The following KIAA1328 variants were observed in gnomAD, a reference collection of about 807,000 sequenced individuals.
The protein encoded by KIAA1328 is protein hinderin.
Under a neutral mutation model 68.1 loss-of-function variants are expected in KIAA1328, and 52 were observed. The ratio of observed to expected loss-of-function variants is 0.76; its 90% CI spans 0.61 to 0.96. The LOEUF is 0.96. Among genes scored for constraint, KIAA1328 ranks in the 40% least tolerant of loss-of-function variants. The pLI is 0.00. For missense variants in KIAA1328, 641 were observed against 677.6 expected, an observed-to-expected ratio of 0.95 and a Z score of 0.60; for synonymous variants, 232 against 239.4, an observed-to-expected ratio of 0.97 and a Z score of 0.28.
At chr18:37,146,261 G>A (rs1312586245) in intron 7 of KIAA1328, among the ~76,000 whole-genome samples, 1 of 151,816 alleles carries the variant, frequency 6.6e-6, no homozygotes, top group African/African-American at 2.4e-5. Context: ...CCTCAAGTAG[G>A]CCTCAGTGTC....
Position 37,155,869 on chromosome 18 carries a change from A to G in KIAA1328, c.1233-4331A>G, listed in dbSNP as rs543566881. Among the ~76,000 whole-genome samples the G allele has an allele frequency of 2.0e-5, 3 of 152,290 alleles. No individual in the cohort carries two copies. The South Asian group carries it at 6.2e-4, about 32-fold the overall frequency. On this transcript the variant is annotated intron_variant, in intron 7 of 9. Transcript: ENST00000280020. ...TTCCCAAAATATGAACTGAAGTTTC[A>G]TTTGTTGGTATATTTGCTAATACTT...
intron 6 of KIAA1328, among the ~76,000 whole-genome samples, chr18:37,015,025 C>T (rs1453781809): frequency 6.6e-6 from 1 of 152,162 alleles, no homozygotes; most frequent in African/African-American, 2.4e-5. Flanking sequence ...GCCTCAGCCT[C>T]CTGAGTAGCA....
intron 6 of KIAA1328, among the ~76,000 whole-genome samples, chr18:36,983,418 T>C (rs970829815): frequency 3.3e-5 from 5 of 152,054 alleles, no homozygotes; most frequent in Admixed American, 1.3e-4. Context: ...CAAATACTGA[T>C]GTAACTTCAA....
chr18:37,082,579 T>C (rs749214525), intron 7 of KIAA1328, among the ~76,000 whole-genome samples: 1 of 152,178 alleles, frequency 6.6e-6, no homozygotes, highest in Non-Finnish European at 1.5e-5. Context: ...GGCAATCTAA[T>C]TGAATACCAA....
chr18:36,923,976 A>T (rs927638456), intron 5 of KIAA1328: 2 of 152,196 alleles, frequency 1.3e-5, no homozygotes, highest in Admixed American at 1.3e-4. Context: ...GAAGGGAATT[A>T]TGCTGGAAGG....
chr18:37,225,960 G>A, downstream of KIAA1328, among the ~76,000 whole-genome samples: 1 of 152,156 alleles, frequency 6.6e-6, no homozygotes. Context: ...ACACCATTTG[G>A]GTGTTTAGGA....
At chr18:36,959,033 A>G (rs2051543610) in intron 5 of KIAA1328, among the ~76,000 whole-genome samples, 1 of 151,962 alleles carries the variant, frequency 6.6e-6, no homozygotes, top group Non-Finnish European at 1.5e-5. Context: ...GTTCCTTTGC[A>G]TGTATCTGCA....
chr18:36,957,682 T>C (rs1312396130), intron 5 of KIAA1328, among the ~76,000 whole-genome samples: 2 of 152,110 alleles, frequency 1.3e-5, no homozygotes, highest in Admixed American at 6.5e-5. Context: ...CAAAAAAACA[T>C]CAAATTATAC....
intron 7 of KIAA1328, among the ~76,000 whole-genome samples, chr18:37,087,230 T>A (rs2057130827): frequency 7.5e-6 from 1 of 132,804 alleles, no homozygotes; most frequent in South Asian, 2.2e-4. Flanking sequence ...AACCAATTTT[T>A]TGTATTTTTT....
intron 5 of KIAA1328, among the ~76,000 whole-genome samples, chr18:36,927,058 A>G (rs2050145749): frequency 6.6e-6 from 1 of 152,182 alleles, no homozygotes; most frequent in African/African-American, 2.4e-5. Context: ...TTGCTAAGCC[A>G]TTTATGAGGG....
chr18:37,064,639 T>C (rs2056281354), intron 6 of KIAA1328, among the ~76,000 whole-genome samples: 1 of 149,080 alleles, frequency 6.7e-6, no homozygotes, highest in Admixed American at 6.7e-5. Context: ...ATTAAGGCTC[T>C]CGAGAGGGGG....
chr18:36,845,871 A>G (rs922818348), intron 4 of KIAA1328, among the ~76,000 whole-genome samples: 2 of 151,428 alleles, frequency 1.3e-5, no homozygotes, highest in Admixed American at 1.3e-4. Context: ...GTATTTAATA[A>G]CCCTCTACTT....
At chr18:36,969,207 G>A (rs1025432070) in intron 6 of KIAA1328, among the ~76,000 whole-genome samples, 8 of 151,940 alleles carry the variant, frequency 5.3e-5, no homozygotes, top group Non-Finnish European at 1.0e-4. Context: ...GATTAACAAC[G>A]TAACATCACA....
At chr18:36,891,997 T>G (rs926316278) in intron 5 of KIAA1328, among the ~76,000 whole-genome samples, 5 of 152,240 alleles carry the variant, frequency 3.3e-5, no homozygotes, top group Admixed American at 3.3e-4. Context: ...ACAAGATTTT[T>G]ATATGATTAT....
intron 4 of KIAA1328, among the ~76,000 whole-genome samples, chr18:36,866,016 G>C (rs943528224): frequency 1.3e-5 from 2 of 152,100 alleles, no homozygotes; most frequent in Non-Finnish European, 2.9e-5. Flanking sequence ...CTACACATGG[G>C]GCTGCCCCGC....
intron 4 of KIAA1328, among the ~76,000 whole-genome samples, chr18:36,865,705 C>T (rs1339112143): frequency 6.6e-6 from 1 of 152,080 alleles, no homozygotes; most frequent in Non-Finnish European, 1.5e-5. Flanking sequence ...CTGATGGATG[C>T]CCTCTTCTCC....
intron 4 of KIAA1328, among the ~76,000 whole-genome samples, chr18:36,845,041 A>C (rs1255368574): frequency 6.6e-6 from 1 of 151,818 alleles, no homozygotes; most frequent in Non-Finnish European, 1.5e-5. Flanking sequence ...TTTGTGTTGA[A>C]GCCTTAAAGT....
intron 6 of KIAA1328, among the ~76,000 whole-genome samples, chr18:36,996,608 C>T (rs1484316889): frequency 1.3e-5 from 2 of 151,862 alleles, no homozygotes; most frequent in African/African-American, 2.4e-5. Context: ...AGTTAGTATA[C>T]CAACCCTTGC....
At chr18:37,216,793 C>T (rs1211694122) in intron 9 of KIAA1328, among the ~76,000 whole-genome samples, 1 of 151,538 alleles carries the variant, frequency 6.6e-6, no homozygotes, top group Non-Finnish European at 1.5e-5. Context: ...TGAGGACTTG[C>T]TTTATGAATC....
Sources: gnomAD v4.1 joint callset for allele counts (sites outside exome capture counted in the v4.1 genomes callset) on GRCh38, gnomAD v4.1.1 for gene constraint, MANE v1.5 for transcripts, NCBI Gene and HGNC (gene_info 2026-07-23, HGNC 2026-07-21) for gene names.